The following ATP1B4 variants were observed in gnomAD, a reference collection of about 807,000 sequenced individuals.
ATP1B4 encodes the protein ATPase Na+/K+ transporting family member beta 4.
ATP1B4 carries 32 observed loss-of-function variants against 29.6 expected under a neutral mutation model. The ratio of observed to expected loss-of-function variants is 1.08; its 90% CI spans 0.82 to 1.45. The LOEUF (loss-of-function observed/expected upper bound fraction) is 1.45, where lower values mean the gene tolerates loss of function less well. Ranked by LOEUF, ATP1B4 falls within the 40% of genes most tolerant of loss-of-function variation. The probability of loss-of-function intolerance (pLI) is 0.00; values close to 1 mark genes in which losing one functional copy is unlikely to be tolerated. For synonymous variants in ATP1B4, 127 were observed against 102.1 expected (o/e 1.24, Z -1.47); for missense variants, 323 against 276.2 (o/e 1.17, Z -1.20).
At chrX:120,371,298 C>A in intron 4 of ATP1B4, 88 bp downstream of exon 4, 1 of 712,167 alleles carries the variant, frequency 1.4e-6, no homozygotes, top group Non-Finnish European at 2.2e-6. Context: ...GCCCAGGAAT[C>A]CCAGTCTTAC....
chrX:120,380,877 T>C lies in ATP1B4; in HGVS notation c.*1243T>C, dbSNP rs2058378441. The C allele has an allele frequency of 8.9e-6, 1 of 111,935 alleles. No homozygotes were observed. The highest frequency in any genetic ancestry group is 1.9e-5 in the Non-Finnish European group (1 of 53,158). The allele number at this position is 111,935 out of a possible 1,213,427, so 9.2% of individuals were successfully genotyped here. ...GGATCAGCCAGGTCACTTTGTCTTATCTTTGGTCACCTGATCACTCAACTG... is the reference window on the plus strand; with the variant it reads ...GGATCAGCCAGGTCACTTTGTCTTACCTTTGGTCACCTGATCACTCAACTG... On this transcript the variant is annotated 3_prime_UTR_variant, in exon 8 of 8. Coordinates refer to ENST00000218008, the MANE Select transcript of ATP1B4 (RefSeq NM_001142447.3).
intron 3 of ATP1B4, 128 bp downstream of exon 3, chrX:120,370,971 A>G: frequency 9.6e-7 from 1 of 1,041,355 alleles, no homozygotes; most frequent in Non-Finnish European, 1.3e-6. Flanking sequence ...ATTAGGAGGA[A>G]AAGTAAAATG....
At position 120,380,559 on chromosome X, in the gene ATP1B4, T is replaced by C. The variant is rs2058377090; in HGVS notation, c.*925T>C. ...TGGTGTAATCGTCTAAAGGCAAACA[T>C]TCCTGCAAACAGGTTTTTCTCAGCT... On this transcript the variant is annotated 3_prime_UTR_variant, in exon 8 of 8. Transcript: ENST00000218008. 1 of 112,050 alleles carries C rather than the reference T, an allele frequency of 8.9e-6. No individual in the cohort carries two copies. Among genetic ancestry groups the C allele is most frequent in the South Asian group, 3.7e-4 (1 of 2,689 alleles). The allele number at this position is 112,050 out of a possible 1,213,427, so 9.2% of individuals were successfully genotyped here.
At chrX:120,365,136 G>A (rs888446279) in intron 1 of ATP1B4, among the ~76,000 whole-genome samples, 19 of 111,719 alleles carry the variant, frequency 1.7e-4, no homozygotes, top group South Asian at 3.8e-4. Context: ...CATAGGTTCC[G>A]AGACCGTCAA....
rs775506210 is a variant in ATP1B4, at chrX:120,378,931, CA to C, written c.912+159del. On this transcript the variant is annotated intron_variant, in intron 7 of 7. Coordinates refer to ENST00000218008, the MANE Select transcript of ATP1B4 (RefSeq NM_001142447.3). Reference sequence around the variant, plus strand: ...TCCCTTTACCAATTCTTATCACAACCACACTCCTTTCCATATCTGAAAGAAT... The same window carrying C: ...TCCCTTTACCAATTCTTATCACAACCCACTCCTTTCCATATCTGAAAGAAT... Among the ~76,000 whole-genome samples, 398 of 110,962 alleles carry C rather than the reference CA, an allele frequency of 3.6e-3. 1 individual carries two copies. Among genetic ancestry groups the C allele is most frequent in the Middle Eastern group, 9.2e-3 (2 of 218 alleles).
intron 4 of ATP1B4, among the ~76,000 whole-genome samples, chrX:120,373,155 C>A (rs969262774): frequency 8.9e-6 from 1 of 111,934 alleles, no homozygotes; most frequent in African/African-American, 3.2e-5. Flanking sequence ...ATCACTTTCA[C>A]TCCCATGAGG....
chrX:120,375,417 C>G lies in ATP1B4; in HGVS notation c.608C>G (p.Pro203Arg). Residue 203 changes from proline to arginine, a missense_variant, in exon 5 of 8, where the codon CCG (proline) becomes CGG (arginine). Pro to Arg is a moderately radical substitution (Grantham distance 103). Coordinates refer to ENST00000218008, the MANE Select transcript of ATP1B4 (RefSeq NM_001142447.3). ...GAGGAAATGAATGTAGATTGTCCCC[C>G]GGGGCAGTACTTCATCCAAGATGGC... ...LQEEMNVDCP[P>R]GQYFIQDGNE... The G allele has an allele frequency of 8.3e-7, 1 of 1,210,341 alleles. No homozygotes were observed. Among genetic ancestry groups the G allele is most frequent in the Non-Finnish European group, 1.1e-6 (1 of 894,799 alleles).
At chrX:120,375,608 A>C in intron 5 of ATP1B4, 40 bp downstream of exon 5, 1 of 1,120,041 alleles carries the variant, frequency 8.9e-7, no homozygotes, top group Non-Finnish European at 1.2e-6. Context: ...TAAGCGAATG[A>C]ACTAGATAGG....
At chrX:120,372,101 G>A (rs777998271) in intron 4 of ATP1B4, among the ~76,000 whole-genome samples, 4 of 112,595 alleles carry the variant, frequency 3.6e-5, no homozygotes, top group South Asian at 3.7e-4. Flanking sequence ...GTTTTCAGGG[G>A]CAAATGAATG....
intron 6 of ATP1B4, among the ~76,000 whole-genome samples, chrX:120,376,970 T>C (rs918558000): frequency 4.5e-5 from 5 of 112,196 alleles, no homozygotes; most frequent in African/African-American, 1.3e-4. Flanking sequence ...CGAGGGACCA[T>C]TAACTTCTAT....
intron 2 of ATP1B4, 132 bp downstream of exon 2, chrX:120,366,921 G>A (rs898675158): frequency 5.7e-5 from 59 of 1,039,375 alleles, no homozygotes; most frequent in Non-Finnish European, 6.8e-5. Context: ...AGGCATCAAT[G>A]CCTAGGGAAA....
Position 120,380,054 on chromosome X carries a change from C to T in ATP1B4, c.*420C>T. 8.7e-6 allele frequency: 1 copy of T among 114,470 alleles called. No homozygotes were observed. Among genetic ancestry groups the T allele is most frequent in the Middle Eastern group, 4.3e-3 (1 of 231 alleles). 9.4% of individuals were successfully genotyped at this position (114,470 alleles called of 1,213,427 possible). On this transcript the variant is annotated 3_prime_UTR_variant, in exon 8 of 8. Coordinates refer to ENST00000218008, the MANE Select transcript of ATP1B4 (RefSeq NM_001142447.3). ...GATTCCTCCCAACCAGGCTAATAACCTAACACATGTTTAAAAAAAATCTGC... is the reference window on the plus strand; with the variant it reads ...GATTCCTCCCAACCAGGCTAATAACTTAACACATGTTTAAAAAAAATCTGC...
chrX:120,375,505 T>C lies in ATP1B4; in HGVS notation c.696T>C (p.Gly232=). The change falls in exon 5 of 8, where the codon GGT becomes GGC. Residue 232 remains glycine (G), a synonymous_variant. Transcript: ENST00000218008. The part of the protein sequence containing the change: ...FKRSFLKNCS[G]LEDPTFGYST... ...GCTCCTTCCTAAAGAACTGCTCTGG[T>C]CTGGAGGACCCAACTTTTGGATACT... The C allele has an allele frequency of 8.3e-7, 1 of 1,211,098 alleles. No homozygotes were observed. The highest frequency in any genetic ancestry group is 1.1e-6 in the Non-Finnish European group (1 of 895,264).
At chrX:120,367,315 C>T (rs2058290995) in intron 2 of ATP1B4, among the ~76,000 whole-genome samples, 1 of 112,169 alleles carries the variant, frequency 8.9e-6, no homozygotes, top group African/African-American at 3.2e-5. Context: ...TTTTATGAGG[C>T]CCCATCACCT....
chrX:120,371,100 T>C lies in ATP1B4; in HGVS notation c.458-6T>C. 8.3e-7 allele frequency: 1 copy of C among 1,203,652 alleles called. No individual in the cohort carries two copies. ...TAATATATCCAAGACCTGTTTTCAT[T>C]GCCAGGAGTTATGATCAGACCCTTC... On this transcript the variant is annotated splice_polypyrimidine_tract_variant and splice_region_variant and intron_variant, in intron 3 of 7. Transcript: ENST00000218008.
intron 7 of ATP1B4, 58 bp downstream of exon 7, chrX:120,378,831 G>C: frequency 9.6e-7 from 1 of 1,043,543 alleles, no homozygotes; most frequent in South Asian, 1.9e-5. Flanking sequence ...CAAAAGAAGA[G>C]CTGGCTGGGA....
chrX:120,377,760 A>G (rs914261761), intron 6 of ATP1B4, among the ~76,000 whole-genome samples: 1 of 112,045 alleles, frequency 8.9e-6, no homozygotes, highest in Non-Finnish European at 1.9e-5. Flanking sequence ...TATACATTCT[A>G]TAATAAACAA....
At chrX:120,371,431 C>A (rs997503393) in intron 4 of ATP1B4, among the ~76,000 whole-genome samples, 1 of 111,897 alleles carries the variant, frequency 8.9e-6, no homozygotes, top group Non-Finnish European at 1.9e-5. Flanking sequence ...AATTTTCCAG[C>A]AAGATAAGCT....
Position 120,366,590 on chromosome X carries a change from T to C in ATP1B4, c.129T>C (p.Ala43=). Reference sequence around the variant, plus strand: ...AAGAGGAGGAAGCAGAAGAAGAGGCTCGGGTGACGGTGGTGCCCAAATCGG... The same window carrying C: ...AAGAGGAGGAAGCAGAAGAAGAGGCCCGGGTGACGGTGGTGCCCAAATCGG... The part of the protein sequence containing the change: ...ADEEEEAEEE[A]RVTVVPKSEE... Residue 43 remains alanine (A), a synonymous_variant, in exon 2 of 8, where the codon GCT becomes GCC. Coordinates refer to ENST00000218008, the MANE Select transcript of ATP1B4 (RefSeq NM_001142447.3). The C allele has an allele frequency of 8.3e-7, 1 of 1,202,483 alleles. No homozygotes were observed. The highest frequency in any genetic ancestry group is 1.1e-6 in the Non-Finnish European group (1 of 888,266).
Sources: allele counts gnomAD v4.1 joint callset (sites outside exome capture counted in the v4.1 genomes callset), GRCh38; gene constraint gnomAD v4.1.1; transcripts MANE v1.5; gene names NCBI Gene and HGNC (gene_info 2026-07-23, HGNC 2026-07-21).